Variants in ELOVL2 observed in about 807,000 individuals in gnomAD.
ELOVL2 encodes very long chain fatty acid elongase 2.
A neutral mutation model predicts 37.7 loss-of-function variants in ELOVL2; 38 were observed. That is an observed-to-expected ratio of 1.01 (90% CI 0.78 to 1.32). The LOEUF (loss-of-function observed/expected upper bound fraction) is 1.32, where lower values mean the gene tolerates loss of function less well. Among genes scored for constraint, ELOVL2 ranks in the 40% most tolerant of loss-of-function variants. The pLI is 0.00. For synonymous variants in ELOVL2, 115 were observed against 122.3 expected (o/e 0.94, Z 0.40); for missense variants, 352 against 363.6 (o/e 0.97, Z 0.26).
chr6:11,006,746 T>C (rs777767875), intron 2 of ELOVL2, among the ~76,000 whole-genome samples: 1 of 152,224 alleles, frequency 6.6e-6, no homozygotes, highest in African/African-American at 2.4e-5. Context: ...AAAGCTCTTC[T>C]CAGCATTCAT....
chr6:10,992,800 CAAAAAAAAA>C (rs778462258), intron 5 of ELOVL2, among the ~76,000 whole-genome samples: 1 of 111,086 alleles, frequency 9.0e-6, no homozygotes, highest in African/African-American at 4.3e-5. Context: ...AAAAACAAAA[CAAAAAAAAA>C]CAAAAAAAAA....
chr6:11,034,442 G>A (rs1782978772), intron 1 of ELOVL2, among the ~76,000 whole-genome samples: 1 of 132,328 alleles, frequency 7.6e-6, no homozygotes, highest in South Asian at 2.9e-4. Flanking sequence ...CAGCACTTTG[G>A]GAGGCCGAGG....
Position 11,016,194 on chromosome 6 carries a change from G to A in ELOVL2, c.4-5385C>T, listed in dbSNP as rs752259221. Among the ~76,000 whole-genome samples, 7 of 54,734 alleles carry A rather than the reference G, an allele frequency of 1.3e-4. No individual in the cohort carries two copies. In the South Asian group the frequency reaches 4.5e-3, roughly 35 times the overall value. The allele number at this position is 54,734 out of a possible 152,430, so 35.9% of individuals were successfully genotyped here. ...TTCTCCCTTCCTTTTTAAAATTTAC[G>A]TTTTAGGCATTTTCTGGTTTTTGGT... On this transcript the variant is annotated intron_variant, in intron 1 of 7. Coordinates refer to ENST00000354666, the MANE Select transcript of ELOVL2 (RefSeq NM_017770.4).
chr6:11,021,332 A>G lies in ELOVL2; in HGVS notation c.4-10523T>C, dbSNP rs150922134. 3.6e-3 allele frequency among the ~76,000 whole-genome samples: 544 copies of G among 152,302 alleles called. 2 individuals are homozygous for G. Among genetic ancestry groups the G allele is most frequent in the African/African-American group, 0.013 (523 of 41,568 alleles). ...AGTCAAGATCTTCTTTACCTGGCAC[A>G]CATTTGAGCTCTCAATAAGCATTTG... On this transcript the variant is annotated intron_variant, in intron 1 of 7. Coordinates refer to ENST00000354666, the MANE Select transcript of ELOVL2 (RefSeq NM_017770.4).
intron 4 of ELOVL2, among the ~76,000 whole-genome samples, chr6:10,999,517 A>G (rs1054811488): frequency 3.9e-5 from 6 of 151,934 alleles, no homozygotes; most frequent in Non-Finnish European, 8.8e-5. Flanking sequence ...CTGGGACTAC[A>G]GGTGCCCACC....
chr6:11,034,343 A>G (rs1782977159), intron 1 of ELOVL2, among the ~76,000 whole-genome samples: 1 of 152,178 alleles, frequency 6.6e-6, no homozygotes, highest in African/African-American at 2.4e-5. Context: ...TCTCTCTCCT[A>G]GCATAAATCC....
At chr6:11,039,732 G>T (rs1783071575) in intron 1 of ELOVL2, among the ~76,000 whole-genome samples, 1 of 152,110 alleles carries the variant, frequency 6.6e-6, no homozygotes, top group Non-Finnish European at 1.5e-5. Flanking sequence ...CCTTCCCCTA[G>T]CTTATTTTTC....
chr6:10,996,645 G>A (rs1782273485), intron 4 of ELOVL2, among the ~76,000 whole-genome samples: 2 of 151,818 alleles, frequency 1.3e-5, no homozygotes, highest in Admixed American at 6.6e-5. Flanking sequence ...ACTCCGGCCT[G>A]GGGGAGAGTG....
At chr6:11,035,747 G>A (rs1782996287) in intron 1 of ELOVL2, among the ~76,000 whole-genome samples, 1 of 152,218 alleles carries the variant, frequency 6.6e-6, no homozygotes, top group Admixed American at 6.5e-5. Context: ...ACTGGACTGA[G>A]TGGTCCAAAC....
intron 7 of ELOVL2, 76 bp from the exon 8 acceptor site, chr6:10,983,982 G>T: frequency 2.3e-6 from 3 of 1,301,856 alleles, no homozygotes; most frequent in South Asian, 3.0e-5. Flanking sequence ...AGTGCATATA[G>T]TTAAAACAGT....
In ELOVL2 at chr6:10,982,929, G is replaced by A. The variant is rs780123126; in HGVS notation, c.*852C>T. On this transcript the variant is annotated 3_prime_UTR_variant, in exon 8 of 8. Coordinates refer to ENST00000354666, the MANE Select transcript of ELOVL2 (RefSeq NM_017770.4). ...GCATGCATGTTCAAAGAAAAAGGTC[G>A]GAGTGGACTCCAGTGCTTGCTCAGA... The A allele has an allele frequency of 1.3e-5, 2 of 152,178 alleles. No individual in the cohort carries two copies. The highest frequency in any genetic ancestry group is 2.9e-5 in the Non-Finnish European group (2 of 68,052). The allele number at this position is 152,178 out of a possible 1,614,324, so 9.4% of individuals were successfully genotyped here.
chr6:10,995,318 C>T, intron 4 of ELOVL2, 140 bp from the exon 5 acceptor site: 2 of 636,754 alleles, frequency 3.1e-6, no homozygotes, highest in Middle Eastern at 5.5e-4. Context: ...CACCTGGTGT[C>T]CTTGTCTCCA....
intron 1 of ELOVL2, among the ~76,000 whole-genome samples, chr6:11,012,762 TATTG>T (rs1782606620): frequency 6.6e-6 from 1 of 152,228 alleles, no homozygotes; most frequent in Non-Finnish European, 1.5e-5. Context: ...TTCATTAATT[TATTG>T]ATTCATTAAC....
intron 1 of ELOVL2, among the ~76,000 whole-genome samples, chr6:11,036,545 C>T (rs1021497445): frequency 6.6e-6 from 1 of 152,162 alleles, no homozygotes; most frequent in Non-Finnish European, 1.5e-5. Flanking sequence ...TGCGTTGCCC[C>T]GGAGGAAAGC....
Position 11,000,090 on chromosome 6 carries a change from G to A in ELOVL2, c.330C>T (p.Ile110=). 6.2e-7 allele frequency: 1 copy of A among 1,614,030 alleles called. No individual in the cohort carries two copies. Among genetic ancestry groups the A allele is most frequent in the Non-Finnish European group, 8.5e-7 (1 of 1,179,922 alleles). ...TGATTTGCTTCTAGTGGCTCACCCG[G>A]ATGTCAGCTTCCCCTGCGCTGGTAA... ...QDLTSAGEAD[I]RVAKVLWWYY... Residue 110 remains isoleucine, a synonymous_variant, in exon 4 of 8, where the codon ATC becomes ATT. Coordinates refer to ENST00000354666, the MANE Select transcript of ELOVL2 (RefSeq NM_017770.4).
chr6:10,984,279 A>T (rs112251585), intron 7 of ELOVL2, among the ~76,000 whole-genome samples: 2,534 of 152,232 alleles, frequency 0.017, 65 homozygotes, highest in African/African-American at 0.057. Flanking sequence ...CGGCCTCCCA[A>T]AGTACTAAGA....
chr6:10,990,677 C>CT (rs57121885), intron 5 of ELOVL2, among the ~76,000 whole-genome samples: 1 of 151,806 alleles, frequency 6.6e-6, no homozygotes, highest in Admixed American at 6.6e-5. Context: ...GCCCCCCCCC[C>CT]GCCACACAGG....
At chr6:11,035,191 A>ATCCTAT (rs1277178946) in intron 1 of ELOVL2, among the ~76,000 whole-genome samples, 7 of 152,104 alleles carry the variant, frequency 4.6e-5, no homozygotes, top group African/African-American at 1.7e-4. Context: ...GTTCTGTTCT[A>ATCCTAT]CACTACATTC....
chr6:11,041,786 A>C (rs1436154259), intron 1 of ELOVL2, among the ~76,000 whole-genome samples: 1 of 152,234 alleles, frequency 6.6e-6, no homozygotes, highest in Non-Finnish European at 1.5e-5. Flanking sequence ...ATTTCTCCAG[A>C]CTAATTTTTA....
Sources: allele counts gnomAD v4.1 joint callset (sites outside exome capture counted in the v4.1 genomes callset), GRCh38; gene constraint gnomAD v4.1.1; transcripts MANE v1.5; gene names NCBI Gene and HGNC (gene_info 2026-07-23, HGNC 2026-07-21).